Variants in AHSA1 observed in about 807,000 individuals in gnomAD.
AHSA1 encodes the protein activator of 90 kDa heat shock protein ATPase homolog 1.
AHSA1 carries 14 observed loss-of-function variants against 46.1 expected under a neutral mutation model. The observed-to-expected ratio is 0.30, with a 90% CI of 0.20 to 0.47. The LOEUF (loss-of-function observed/expected upper bound fraction) is 0.47. Ranked by LOEUF, AHSA1 falls within the 20% of genes least tolerant of loss-of-function variation. The pLI is 0.99. For synonymous variants in AHSA1, 147 were observed against 145.8 expected, an observed-to-expected ratio of 1.01 and a Z score of -0.06; for missense variants, 333 against 415.9, an observed-to-expected ratio of 0.80 and a Z score of 1.73.
chr14:77,458,127 A>T lies in AHSA1; in HGVS notation c.-63A>T, dbSNP rs1195916119. 7 of 1,415,712 alleles carry T rather than the reference A, an allele frequency of 4.9e-6. No homozygotes were observed. The African/African-American group carries it at 9.1e-5, about 18-fold the overall frequency. 87.7% of individuals were successfully genotyped at this position (1,415,712 alleles called of 1,614,324 possible). A position where few individuals can be genotyped will look rare whatever the true frequency, so the allele number is the denominator to read the frequency against. ...CAGGCGCTGCCGGGCGGCTGGCACT[A>T]AGCGGTCCTGAGGCTGTGGCTACGG... On this transcript the variant is annotated 5_prime_UTR_variant, in exon 1 of 9. Transcript: ENST00000216479.
chr14:77,465,853 C>T (rs374550649), intron 6 of AHSA1, among the ~76,000 whole-genome samples, 186 bp downstream of exon 6: 165 of 151,396 alleles, frequency 1.1e-3, no homozygotes, highest in African/African-American at 3.7e-3. Context: ...GACGGAGTCT[C>T]GCTCTGTCAC....
chr14:77,462,855 T>C, intron 4 of AHSA1, 96 bp downstream of exon 4: 1 of 1,042,436 alleles, frequency 9.6e-7, no homozygotes. Flanking sequence ...GGCAAATGGG[T>C]AAAGATTTGG....
chr14:77,463,484 G>A (rs2079034373), intron 4 of AHSA1, among the ~76,000 whole-genome samples: 1 of 150,860 alleles, frequency 6.6e-6, no homozygotes, highest in Non-Finnish European at 1.5e-5. Context: ...TACTCAAGAG[G>A]CTGAGGCAGG....
chr14:77,458,384 T>G (rs2139931614), intron 1 of AHSA1, 115 bp downstream of exon 1: 1 of 1,073,760 alleles, frequency 9.3e-7, no homozygotes, highest in Non-Finnish European at 1.3e-6. Flanking sequence ...TGTCCGGAGA[T>G]GGGGGTGGGT....
At chr14:77,468,338 C>A in intron 7 of AHSA1, 119 bp from the exon 8 acceptor site, 1 of 1,196,584 alleles carries the variant, frequency 8.4e-7, no homozygotes. Flanking sequence ...TTTGAACTGT[C>A]TTGCAAGTAA....
chr14:77,465,773 A>T (rs1318426630), intron 6 of AHSA1, 106 bp downstream of exon 6: 1 of 1,175,406 alleles, frequency 8.5e-7, no homozygotes, highest in African/African-American at 1.5e-5. Context: ...TCACAAACTC[A>T]CAACTGGAGC....
chr14:77,469,441 A>G lies in AHSA1; in HGVS notation c.*192A>G, dbSNP rs906124710. 1.6e-5 allele frequency: 9 copies of G among 545,762 alleles called. No individual in the cohort carries two copies. The Admixed American group carries it at 2.7e-4, about 17-fold the overall frequency. 33.8% of individuals were successfully genotyped at this position (545,762 alleles called of 1,614,324 possible). ...AGAGGGCAATTTCTCTTTTATGTGT[A>G]CATATGCTAAATAAACATAATTTAA... On this transcript the variant is annotated 3_prime_UTR_variant, in exon 9 of 9. Coordinates refer to ENST00000216479, the MANE Select transcript of AHSA1 (RefSeq NM_012111.3).
chr14:77,458,339 C>T, intron 1 of AHSA1, 70 bp downstream of exon 1: 1 of 1,490,662 alleles, frequency 6.7e-7, no homozygotes, highest in South Asian at 1.2e-5. Context: ...GTTCCTAGAA[C>T]CTCGGCCCGG....
intron 4 of AHSA1, among the ~76,000 whole-genome samples, 194 bp from the exon 5 acceptor site, chr14:77,464,404 A>AT: frequency 6.6e-6 from 1 of 152,312 alleles, no homozygotes; most frequent in East Asian, 1.9e-4. Context: ...CCCAGTGAAC[A>AT]TACTGTATTC....
At chr14:77,458,001 G>C, upstream of AHSA1, 1 of 542,308 alleles carries the variant, frequency 1.8e-6, no homozygotes, top group South Asian at 2.5e-5. Flanking sequence ...AGTTGGGACG[G>C]AAGTAACCGG....
At chr14:77,468,262 A>T in intron 7 of AHSA1, 78 bp downstream of exon 7, 1 of 1,144,476 alleles carries the variant, frequency 8.7e-7, no homozygotes, top group Non-Finnish European at 1.2e-6. Context: ...TGAACTCTAT[A>T]GGTAAAATGT....
At chr14:77,457,937 G>A, upstream of AHSA1, 1 of 509,100 alleles carries the variant, frequency 2.0e-6, no homozygotes, top group Non-Finnish European at 3.4e-6. Context: ...TTTTTGGGGA[G>A]AACCCGATGG....
intron 2 of AHSA1, among the ~76,000 whole-genome samples, chr14:77,461,158 C>CA (rs909912049): frequency 2.3e-4 from 34 of 150,940 alleles, no homozygotes; most frequent in African/African-American, 7.8e-4. Flanking sequence ...GACTCCATCT[C>CA]AAAAAAAATA....
chr14:77,467,332 G>A (rs914441713), intron 6 of AHSA1, among the ~76,000 whole-genome samples: 4 of 152,062 alleles, frequency 2.6e-5, no homozygotes, highest in East Asian at 1.9e-4. Context: ...TTAGGAGGTC[G>A]GGGCTGCAGT....
rs2078996382 is a variant in AHSA1 at position 77,458,284 on chromosome 14, A to T, written c.80+15A>T. 3 of 1,543,672 alleles carry T rather than the reference A, an allele frequency of 1.9e-6. No individual in the cohort carries two copies. On this transcript the variant is annotated intron_variant, in intron 1 of 8. Transcript: ENST00000216479. ...AACTGGCACTGGTGAGGGCCAGAAA[A>T]GCAGGCCGGCCTTGGGAGACCTGCG...
intron 6 of AHSA1, among the ~76,000 whole-genome samples, chr14:77,467,552 G>C (rs4903583): frequency 0.43 from 65,067 of 151,986 alleles, 16,475 homozygotes; most frequent in East Asian, 0.92. Context: ...AAGTTAGCCA[G>C]GCATGGTGGC....
At chr14:77,468,244 T>C (rs3825694) in intron 7 of AHSA1, 60 bp downstream of exon 7, 159,166 of 1,250,920 alleles carry the variant, frequency 0.13, 11,278 homozygotes, top group Middle Eastern at 0.25. Flanking sequence ...GTGACATTTC[T>C]CTTTTTCTGA....
chr14:77,457,925 G>A (rs2078991027), upstream of AHSA1: 2 of 498,714 alleles, frequency 4.0e-6, no homozygotes, highest in Non-Finnish European at 7.0e-6. Context: ...GTTTCGGGAC[G>A]CTTTTTGGGG....
In AHSA1 at chr14:77,458,343, G is replaced by A. The variant is rs1031098109; in HGVS notation, c.80+74G>A. 9 of 1,469,858 alleles carry A rather than the reference G, an allele frequency of 6.1e-6. No homozygotes were observed. The African/African-American group carries it at 1.0e-4, about 16-fold the overall frequency. The allele number at this position is 1,469,858 out of a possible 1,614,324, so 91.1% of individuals were successfully genotyped here. The stretch of plus-strand genomic sequence containing the variant: ...AGGGTTTCAGGGTTCCTAGAACCTC[G>A]GCCCGGACAGAGCTGGGGCTGAGGT... On this transcript the variant is annotated intron_variant, in intron 1 of 8. Transcript: ENST00000216479.
Sources: gnomAD v4.1 joint callset for allele counts (sites outside exome capture counted in the v4.1 genomes callset) on GRCh38, gnomAD v4.1.1 for gene constraint, MANE v1.5 for transcripts, NCBI Gene and HGNC (gene_info 2026-07-23, HGNC 2026-07-21) for gene names.